The following CGNL1 variants were observed in gnomAD, a reference collection of about 807,000 sequenced individuals.
CGNL1 encodes cingulin like 1.
In CGNL1, 132 loss-of-function variants were observed where a neutral mutation model predicts 141.2. That is an observed-to-expected ratio of 0.93 (90% CI 0.81 to 1.08). CGNL1 has a LOEUF of 1.08. CGNL1 is among the 50% of genes least tolerant of loss of function. The pLI, the probability that CGNL1 is intolerant of heterozygous loss-of-function variation, is 0.00. For synonymous variants in CGNL1, 690 were observed against 622.1 expected, an observed-to-expected ratio of 1.11 and a Z score of -1.63; for missense variants, 1,870 against 1,588.6, an observed-to-expected ratio of 1.18 and a Z score of -3.01.
chr15:57,376,598 G>C (rs1181429117), intron 1 of CGNL1, 31 bp downstream of exon 1: 1 of 153,294 alleles, frequency 6.5e-6, no homozygotes, highest in African/African-American at 2.4e-5. Context: ...AGCGGGGCGG[G>C]GTGTGCGCCG....
chr15:57,422,733 G>T (rs1168422500), intron 1 of CGNL1, among the ~76,000 whole-genome samples: 1 of 152,184 alleles, frequency 6.6e-6, no homozygotes, highest in Admixed American at 6.5e-5. Context: ...GTAAGGCGAA[G>T]GTGAGGCACC....
At chr15:57,386,686 T>C (rs1381201973) in intron 1 of CGNL1, among the ~76,000 whole-genome samples, 2 of 152,020 alleles carry the variant, frequency 1.3e-5, no homozygotes, top group Non-Finnish European at 2.9e-5. Context: ...ACCTGTAAAA[T>C]GAGGATAACG....
In CGNL1 at chr15:57,548,599, C is replaced by G. The variant is rs1287380948; in HGVS notation, c.*1109C>G. ...ATTCTGTTATAATTTCTGAACTGTTCTGAGACCTGTTCCCAGTCACTGATT... is the reference window on the plus strand; with the variant it reads ...ATTCTGTTATAATTTCTGAACTGTTGTGAGACCTGTTCCCAGTCACTGATT... On this transcript the variant is annotated 3_prime_UTR_variant, in exon 19 of 19. Transcript: ENST00000281282. The G allele has an allele frequency of 6.6e-6, 1 of 152,160 alleles. No individual in the cohort carries two copies. The highest frequency in any genetic ancestry group is 1.9e-4 in the East Asian group (1 of 5,194). The allele number at this position is 152,160 out of a possible 1,614,324, so 9.4% of individuals were successfully genotyped here.
chr15:57,407,847 CA>C (rs1385879935), intron 1 of CGNL1, among the ~76,000 whole-genome samples: 2 of 149,108 alleles, frequency 1.3e-5, no homozygotes, highest in Non-Finnish European at 3.0e-5. Context: ...CTCCTGGGTT[CA>C]AGTGATTCTC....
At chr15:57,546,685 G>A (rs1195884184) in intron 18 of CGNL1, among the ~76,000 whole-genome samples, 9 of 152,190 alleles carry the variant, frequency 5.9e-5, no homozygotes, top group East Asian at 1.9e-4. Context: ...GCTGTCTGCC[G>A]TGGTCCTAAG....
At chr15:57,383,830 G>A (rs979448591) in intron 1 of CGNL1, among the ~76,000 whole-genome samples, 1 of 151,172 alleles carries the variant, frequency 6.6e-6, no homozygotes. Context: ...GTAGAAATGG[G>A]GTTTTGCCAT....
intron 1 of CGNL1, among the ~76,000 whole-genome samples, chr15:57,436,241 C>T (rs908968857): frequency 1.3e-5 from 2 of 152,132 alleles, no homozygotes; most frequent in African/African-American, 4.8e-5. Flanking sequence ...CCCTATTTTC[C>T]AGTCTCCCTT....
intron 8 of CGNL1, among the ~76,000 whole-genome samples, chr15:57,497,488 A>T (rs1020286844): frequency 2.0e-4 from 30 of 152,218 alleles, no homozygotes; most frequent in African/African-American, 6.0e-4. Flanking sequence ...ACACATTCTC[A>T]TGCTTCAACT....
intron 8 of CGNL1, among the ~76,000 whole-genome samples, chr15:57,466,646 T>A (rs2063514772): frequency 6.6e-6 from 1 of 152,148 alleles, no homozygotes; most frequent in Non-Finnish European, 1.5e-5. Context: ...ACTTAATAGA[T>A]GTTTAGTAAA....
chr15:57,405,077 A>C (rs2062700775), intron 1 of CGNL1: 2 of 152,128 alleles, frequency 1.3e-5, no homozygotes, highest in South Asian at 4.1e-4. Context: ...TTTTTTTTGA[A>C]ATATGAGATG....
chr15:57,379,049 TG>T (rs375983199), intron 1 of CGNL1, among the ~76,000 whole-genome samples: 18 of 145,948 alleles, frequency 1.2e-4, no homozygotes, highest in African/African-American at 4.1e-4. Flanking sequence ...CTGTTTTTTT[TG>T]TGTGTGTGTG....
At chr15:57,484,503 A>G (rs555789727) in intron 8 of CGNL1, among the ~76,000 whole-genome samples, 147 of 151,800 alleles carry the variant, frequency 9.7e-4, no homozygotes, top group Non-Finnish European at 1.6e-3. Context: ...AAGTTTGTCA[A>G]TCTTACTGAT....
At chr15:57,500,961 A>G (rs560623808) in intron 8 of CGNL1, among the ~76,000 whole-genome samples, 3 of 152,250 alleles carry the variant, frequency 2.0e-5, no homozygotes, top group Non-Finnish European at 4.4e-5. Context: ...AGCCCATGAC[A>G]CTGCTAAAAT....
chr15:57,383,222 G>C (rs1199274149), intron 1 of CGNL1, among the ~76,000 whole-genome samples: 1 of 151,272 alleles, frequency 6.6e-6, no homozygotes, highest in Non-Finnish European at 1.5e-5. Context: ...TGAGAGATAA[G>C]AGAGAGAGAG....
At position 57,543,702 on chromosome 15, in the gene CGNL1, C is replaced by G; in HGVS notation, c.3298C>G (p.Gln1100Glu). 6.2e-7 allele frequency: 1 copy of G among 1,613,166 alleles called. No individual in the cohort carries two copies. ...TTTGTTCTGCTTGCTGTAGATGGAG[C>G]AGTTGAGGAATGAGCTACTTCAGGA... ...RISRSREQME[Q>E]LRNELLQERA... is the part of the protein sequence containing the mutation. Residue 1100 changes from glutamine (Q) to glutamate (E), a missense_variant, in exon 15 of 19, where the codon CAG becomes GAG. Transcript: ENST00000281282.
At chr15:57,443,035 A>G (rs570037136) in intron 4 of CGNL1, among the ~76,000 whole-genome samples, 2 of 152,362 alleles carry the variant, frequency 1.3e-5, no homozygotes, top group Non-Finnish European at 2.9e-5. Context: ...GAATAGGAAG[A>G]CTAGCATTGT....
At chr15:57,444,649 A>T (rs1290629691) in intron 4 of CGNL1, among the ~76,000 whole-genome samples, 2 of 152,168 alleles carry the variant, frequency 1.3e-5, no homozygotes, top group Non-Finnish European at 2.9e-5. Context: ...GAGATCATAG[A>T]ATTATTTGTG....
At chr15:57,417,564 C>G (rs1271767768) in intron 1 of CGNL1, among the ~76,000 whole-genome samples, 3 of 151,756 alleles carry the variant, frequency 2.0e-5, no homozygotes, top group South Asian at 4.1e-4. Flanking sequence ...TAAACTGACT[C>G]CAAGGTCAAA....
At chr15:57,433,905 GTA>G (rs1232719970) in intron 1 of CGNL1, among the ~76,000 whole-genome samples, 3 of 138,548 alleles carry the variant, frequency 2.2e-5, no homozygotes, top group African/African-American at 8.0e-5. Flanking sequence ...TAACTGAAAT[GTA>G]TGGGTTCTTC....
Sources: allele counts gnomAD v4.1 joint callset (sites outside exome capture counted in the v4.1 genomes callset), GRCh38; gene constraint gnomAD v4.1.1; transcripts MANE v1.5; gene names NCBI Gene and HGNC (gene_info 2026-07-23, HGNC 2026-07-21).